Variants in RHOBTB3 observed in about 807,000 individuals in gnomAD.
RHOBTB3 encodes the protein Rho related BTB domain containing 3.
A neutral mutation model predicts 67.2 loss-of-function variants in RHOBTB3; 47 were observed. That is an observed-to-expected ratio of 0.70 (90% confidence interval 0.55 to 0.89). RHOBTB3 has a LOEUF of 0.89. Among genes scored for constraint, RHOBTB3 ranks in the 40% least tolerant of loss-of-function variants. The pLI, the probability that RHOBTB3 is intolerant of heterozygous loss-of-function variation, is 0.00. For synonymous variants in RHOBTB3, 273 were observed against 274.2 expected (o/e 1.00, Z 0.04); for missense variants, 631 against 750.0 (o/e 0.84, Z 1.85).
intron 3 of RHOBTB3, among the ~76,000 whole-genome samples, chr5:95,738,099 G>A (rs1231114721): frequency 6.6e-6 from 1 of 152,108 alleles, no homozygotes; most frequent in Admixed American, 6.5e-5. Context: ...GTATGAATAT[G>A]CCATAATTTA....
Position 95,753,966 on chromosome 5 carries a change from C to T in RHOBTB3, c.683-1430C>T, listed in dbSNP as rs186252063. ...TTCTACTAAAAATACAAAAATTAGC[C>T]GGGCATGATGGCGACGCCTGTAGTC... is the stretch of plus-strand genomic sequence containing the variant. On this transcript the variant is annotated intron_variant, in intron 5 of 11. Coordinates refer to ENST00000379982, the MANE Select transcript of RHOBTB3 (RefSeq NM_014899.4). Among the ~76,000 whole-genome samples the T allele has an allele frequency of 3.4e-4, 51 of 152,048 alleles. No homozygotes were observed. The East Asian group carries it at 8.9e-3, about 27-fold the overall frequency.
chr5:95,784,941 G>C (rs1746177159), intron 10 of RHOBTB3, among the ~76,000 whole-genome samples: 1 of 152,102 alleles, frequency 6.6e-6, no homozygotes, highest in Non-Finnish European at 1.5e-5. Flanking sequence ...TTTTTCACAG[G>C]AATATATTTG....
chr5:95,777,524 T>C (rs1745924082), intron 8 of RHOBTB3, among the ~76,000 whole-genome samples: 1 of 152,220 alleles, frequency 6.6e-6, no homozygotes, highest in Non-Finnish European at 1.5e-5. Flanking sequence ...AGGAACATGA[T>C]TATCTTTTAA....
chr5:95,767,794 A>G (rs959960973), intron 7 of RHOBTB3: 14 of 702,636 alleles, frequency 2.0e-5, no homozygotes, highest in Admixed American at 1.0e-4. Context: ...CTTCTCAGCA[A>G]TGGAGCTGAG....
intron 8 of RHOBTB3, among the ~76,000 whole-genome samples, chr5:95,773,047 A>G (rs1254141877): frequency 6.6e-6 from 1 of 151,966 alleles, no homozygotes; most frequent in East Asian, 1.9e-4. Flanking sequence ...TTTGCATAGG[A>G]GGCATTGGTA....
At chr5:95,763,484 CA>C in intron 6 of RHOBTB3, 23 bp from the exon 7 acceptor site, 1 of 1,345,204 alleles carries the variant, frequency 7.4e-7, no homozygotes. Flanking sequence ...CAGAAAAATC[CA>C]GCATGTACTA....
chr5:95,718,353 G>A (rs966010318), intron 1 of RHOBTB3, among the ~76,000 whole-genome samples: 2 of 152,204 alleles, frequency 1.3e-5, no homozygotes, highest in African/African-American at 4.8e-5. Flanking sequence ...CACTATCAGA[G>A]GGATCAGCCT....
chr5:95,731,822 T>C, intron 1 of RHOBTB3, 37 bp from the exon 2 acceptor site: 1 of 1,603,318 alleles, frequency 6.2e-7, no homozygotes, highest in Non-Finnish European at 8.5e-7. Context: ...GCGCTGACCG[T>C]GCTTCCCTTC....
intron 9 of RHOBTB3, 28 bp from the exon 10 acceptor site, chr5:95,783,769 C>G: frequency 1.9e-6 from 3 of 1,575,906 alleles, no homozygotes; most frequent in South Asian, 1.2e-5. Flanking sequence ...TCATCATCCA[C>G]TTTCTCTCAT....
chr5:95,740,416 G>A (rs138481558), intron 3 of RHOBTB3, among the ~76,000 whole-genome samples: 114 of 152,218 alleles, frequency 7.5e-4, no homozygotes, highest in Non-Finnish European at 1.3e-3. Context: ...TTAAGCCTAA[G>A]GTTAAATTCC....
chr5:95,744,386 A>G (rs1274188190), intron 3 of RHOBTB3, among the ~76,000 whole-genome samples: 1 of 151,998 alleles, frequency 6.6e-6, no homozygotes. Flanking sequence ...GGACATCTTT[A>G]TTTCAGTGCT....
intron 3 of RHOBTB3, 63 bp downstream of exon 3, chr5:95,737,138 C>A: frequency 1.8e-6 from 2 of 1,128,960 alleles, no homozygotes; most frequent in Non-Finnish European, 2.5e-6. Context: ...TTAAATAGTG[C>A]TAAGTTTATT....
chr5:95,767,943 T>C (rs1745597156), intron 7 of RHOBTB3, 103 bp from the exon 8 acceptor site: 3 of 1,109,890 alleles, frequency 2.7e-6, no homozygotes, highest in Admixed American at 1.8e-5. Flanking sequence ...GGGAATCATA[T>C]TTCTTTTGAG....
chr5:95,731,132 A>G, upstream of RHOBTB3: 2 of 1,024,786 alleles, frequency 2.0e-6, no homozygotes, highest in Non-Finnish European at 1.2e-6. Context: ...ATTAATTTAT[A>G]TTCCGCGGCG....
At chr5:95,731,157 C>T (rs904463659), upstream of RHOBTB3, 13 of 1,017,688 alleles carry the variant, frequency 1.3e-5, no homozygotes, top group African/African-American at 1.9e-4. Context: ...GCGCGGGCGG[C>T]TCCTTTGTGT....
intron 7 of RHOBTB3, chr5:95,767,829 T>G (rs1296616719): frequency 1.4e-6 from 1 of 705,252 alleles, no homozygotes; most frequent in Admixed American, 2.0e-5. Context: ...ATTTGTTTAC[T>G]GCTGTGAATG....
intron 5 of RHOBTB3, among the ~76,000 whole-genome samples, chr5:95,754,139 C>A (rs868031429): frequency 2.6e-5 from 4 of 152,064 alleles, no homozygotes; most frequent in African/African-American, 9.7e-5. Context: ...TGTGGGTCTT[C>A]ATGTGAGGGC....
chr5:95,771,278 T>G (rs971159065), intron 8 of RHOBTB3, among the ~76,000 whole-genome samples: 2 of 152,246 alleles, frequency 1.3e-5, no homozygotes, highest in African/African-American at 4.8e-5. Context: ...GATGGGCAAT[T>G]ACTAAAAGGA....
intron 7 of RHOBTB3, among the ~76,000 whole-genome samples, chr5:95,766,595 T>TA (rs1561450230): frequency 4.2e-5 from 6 of 142,646 alleles, no homozygotes; most frequent in African/African-American, 1.3e-4. Context: ...AGACTAAAAT[T>TA]TAAAAAAAAA....
Sources: gnomAD v4.1 joint callset for allele counts (sites outside exome capture counted in the v4.1 genomes callset) on GRCh38, gnomAD v4.1.1 for gene constraint, MANE v1.5 for transcripts, NCBI Gene and HGNC (gene_info 2026-07-23, HGNC 2026-07-21) for gene names.